CSGALNACT1: variants seen among roughly 807,000 people sequenced by gnomAD.
CSGALNACT1 encodes the protein chondroitin sulfate N-acetylgalactosaminyltransferase 1, also known as beta4GalNAcT-1.
CSGALNACT1 carries 52 observed loss-of-function variants against 51.0 expected under a neutral mutation model. The ratio of observed to expected loss-of-function variants is 1.02; its 90% CI spans 0.82 to 1.29. The LOEUF (loss-of-function observed/expected upper bound fraction) is 1.29. CSGALNACT1 is among the 50% of genes most tolerant of loss of function. CSGALNACT1 has a pLI of 0.00. For synonymous variants in CSGALNACT1, 341 were observed against 254.4 expected, an observed-to-expected ratio of 1.34 and a Z score of -3.24; for missense variants, 935 against 679.2, an observed-to-expected ratio of 1.38 and a Z score of -4.19.
Position 19,651,381 on chromosome 8 carries a change from G to T in CSGALNACT1, c.-544+31092C>A, listed in dbSNP as rs377655150. On this transcript the variant is annotated intron_variant, in intron 1 of 9. Coordinates refer to the CSGALNACT1 transcript ENST00000332246. ...TTTCGTCACCAAGGTAACAAGGCTC[G>T]CACCCAATAGTTTTTTTATCTTCAT... 4.6e-5 allele frequency among the ~76,000 whole-genome samples: 7 copies of T among 152,010 alleles called. No individual in the cohort carries two copies. In the East Asian group the frequency reaches 1.2e-3, roughly 25 times the overall value.
intron 4 of CSGALNACT1, among the ~76,000 whole-genome samples, chr8:19,461,426 A>G (rs2065327291): frequency 6.6e-6 from 1 of 151,924 alleles, no homozygotes; most frequent in Non-Finnish European, 1.5e-5. Context: ...GTATCCACAC[A>G]GCACCCATAT....
At chr8:19,653,513 G>A (rs1412431045) in intron 1 of CSGALNACT1, among the ~76,000 whole-genome samples, 1 of 152,162 alleles carries the variant, frequency 6.6e-6, no homozygotes, top group East Asian at 1.9e-4. Context: ...TTCAGCTGCG[G>A]CCAGGTGCAG....
intron 3 of CSGALNACT1, among the ~76,000 whole-genome samples, chr8:19,577,776 A>G (rs1264138761): frequency 6.6e-6 from 1 of 152,148 alleles, no homozygotes; most frequent in African/African-American, 2.4e-5. Context: ...AAGCTGCAGC[A>G]ACTTTGGAGT....
chr8:19,485,759 C>CTTTTTGTTTTTTTTTT (rs2072737691), intron 4 of CSGALNACT1, among the ~76,000 whole-genome samples: 1 of 38,520 alleles, frequency 2.6e-5, no homozygotes, highest in Non-Finnish European at 4.6e-5. Context: ...CCTCAGCTTG[C>CTTTTTGTTTTTTTTTT]TTTTTTTTTT....
intron 3 of CSGALNACT1, among the ~76,000 whole-genome samples, chr8:19,548,880 G>A (rs906913983): frequency 3.9e-5 from 6 of 152,150 alleles, no homozygotes; most frequent in African/African-American, 1.2e-4. Flanking sequence ...GTAGAGTGGT[G>A]CAGTCACAGC....
chr8:19,714,346 G>A (rs201824220), intron 1 of CSGALNACT1, among the ~76,000 whole-genome samples: 2 of 147,128 alleles, frequency 1.4e-5, no homozygotes, highest in Non-Finnish European at 3.0e-5. Flanking sequence ...TTTTTTTTTT[G>A]TTGTAATTAT....
intron 3 of CSGALNACT1, among the ~76,000 whole-genome samples, chr8:19,577,848 G>A (rs2044629072): frequency 6.6e-6 from 1 of 152,128 alleles, no homozygotes; most frequent in African/African-American, 2.4e-5. Context: ...TGCCTCCCAG[G>A]TCCCCTATAG....
chr8:19,418,158 G>T (rs1427950848), intron 8 of CSGALNACT1, among the ~76,000 whole-genome samples: 1 of 152,152 alleles, frequency 6.6e-6, no homozygotes, highest in Non-Finnish European at 1.5e-5. Flanking sequence ...GATGGGAAGG[G>T]AACGGTGGCA....
At chr8:19,462,118 C>A (rs1470167607) in intron 4 of CSGALNACT1, among the ~76,000 whole-genome samples, 1 of 152,158 alleles carries the variant, frequency 6.6e-6, no homozygotes, top group Non-Finnish European at 1.5e-5. Context: ...GGCGGTGTAT[C>A]TGCAAAGCAT....
intron 6 of CSGALNACT1, among the ~76,000 whole-genome samples, chr8:19,439,067 C>G (rs2060867443): frequency 6.6e-6 from 1 of 152,188 alleles, no homozygotes. Context: ...TCAAATTGCC[C>G]CCCTGCAAAC....
intron 1 of CSGALNACT1, among the ~76,000 whole-genome samples, chr8:19,673,095 G>A (rs557151936): frequency 7.9e-5 from 12 of 152,252 alleles, no homozygotes; most frequent in South Asian, 4.1e-4. Flanking sequence ...GGCAAATGTC[G>A]TCTTACACAC....
rs187395476 is a variant in CSGALNACT1 at position 19,651,991 on chromosome 8, C to T, written c.-544+30482G>A. On this transcript the variant is annotated intron_variant, in intron 1 of 9. Coordinates refer to the CSGALNACT1 transcript ENST00000332246. ...TGCCACCCAGACTAGAGTACAGTGGCGTGATCTCCGCTCACTGCAACCTTC... is the reference window on the plus strand; with the variant it reads ...TGCCACCCAGACTAGAGTACAGTGGTGTGATCTCCGCTCACTGCAACCTTC... Among the ~76,000 whole-genome samples, 479 of 152,046 alleles carry T rather than the reference C, an allele frequency of 3.2e-3. 3 individuals are homozygous for T. The highest frequency in any genetic ancestry group is 5.2e-3 in the Non-Finnish European group (353 of 68,006).
intron 3 of CSGALNACT1, among the ~76,000 whole-genome samples, chr8:19,530,165 G>A (rs780693624): frequency 4.6e-5 from 7 of 152,106 alleles, no homozygotes; most frequent in Admixed American, 1.3e-4. Context: ...AGGTTGCAGT[G>A]AGCCAAGATC....
At chr8:19,744,353 T>C (rs2064510677) in intron 1 of CSGALNACT1, among the ~76,000 whole-genome samples, 1 of 152,212 alleles carries the variant, frequency 6.6e-6, no homozygotes. Flanking sequence ...ATAAAACAAC[T>C]TGGTTCAAAT....
rs1186216767 is a variant in CSGALNACT1 at position 19,408,468 on chromosome 8, C to CTTTTTTTTTTT, written c.1309+134_1309+144dup. 5.9e-5 allele frequency: 27 copies of CTTTTTTTTTTT among 454,246 alleles called. 3 individuals carry two copies. The African/African-American group carries it at 8.6e-4, about 14-fold the overall frequency. 28.1% of individuals were successfully genotyped at this position (454,246 alleles called of 1,614,324 possible). On this transcript the variant is annotated intron_variant, in intron 9 of 9. Transcript: ENST00000454498. ...AGCCACCGCACCTAGTCTGGAATAG[C>CTTTTTTTTTTT]TTTTTTTTTTTTTTTTTTTTTTTTT...
upstream of CSGALNACT1, among the ~76,000 whole-genome samples, chr8:19,604,745 TA>T (rs36019022): frequency 0.12 from 15,733 of 130,268 alleles, 1,019 homozygotes; most frequent in East Asian, 0.32. Flanking sequence ...GTCTCTACTT[TA>T]AAAAAAAAAA....
intron 1 of CSGALNACT1, among the ~76,000 whole-genome samples, chr8:19,720,455 C>T (rs921918127): frequency 1.3e-5 from 2 of 152,142 alleles, no homozygotes; most frequent in African/African-American, 4.8e-5. Context: ...TAGCTAAAAG[C>T]ATTTAAATTG....
chr8:19,429,989 T>C (rs1388637592), intron 6 of CSGALNACT1, among the ~76,000 whole-genome samples: 1 of 152,244 alleles, frequency 6.6e-6, no homozygotes, highest in Non-Finnish European at 1.5e-5. Flanking sequence ...CATCTTGTCC[T>C]GCTGTGCTTA....
chr8:19,595,393 C>T (rs374781449), intron 2 of CSGALNACT1, among the ~76,000 whole-genome samples: 16 of 152,174 alleles, frequency 1.1e-4, no homozygotes, highest in African/African-American at 3.6e-4. Context: ...AAGTCCAACA[C>T]GCAGTAACAA....
Sources: allele counts gnomAD v4.1 joint callset (sites outside exome capture counted in the v4.1 genomes callset), GRCh38; gene constraint gnomAD v4.1.1; transcripts MANE v1.5; gene names NCBI Gene and HGNC (gene_info 2026-07-23, HGNC 2026-07-21).